The following SAMD3 variants were observed in gnomAD, a reference collection of about 807,000 sequenced individuals.
The protein encoded by SAMD3 is sterile alpha motif domain containing 3, also known as sterile alpha motif domain-containing protein 3.
SAMD3 carries 63 observed loss-of-function variants against 58.5 expected under a neutral mutation model. The ratio of observed to expected loss-of-function variants is 1.08; its 90% CI spans 0.88 to 1.33. SAMD3 has a LOEUF of 1.33. Among genes scored for constraint, SAMD3 ranks in the 40% most tolerant of loss-of-function variants. The pLI, the probability that SAMD3 is intolerant of heterozygous loss-of-function variation, is 0.00. For synonymous variants in SAMD3, 220 were observed against 210.3 expected, an observed-to-expected ratio of 1.05 and a Z score of -0.40; for missense variants, 604 against 608.4, an observed-to-expected ratio of 0.99 and a Z score of 0.08.
At chr6:130,325,550 T>A (rs560242347) in intron 1 of SAMD3, among the ~76,000 whole-genome samples, 1 of 152,114 alleles carries the variant, frequency 6.6e-6, no homozygotes, top group African/African-American at 2.4e-5. Flanking sequence ...TCTGGAAACA[T>A]CCTCACAGAA....
chr6:130,226,692 G>A (rs530025048), upstream of SAMD3, among the ~76,000 whole-genome samples: 31 of 152,212 alleles, frequency 2.0e-4, no homozygotes, highest in South Asian at 4.4e-3. Context: ...GGTGGCAGGC[G>A]CCTGTAATCC....
chr6:130,308,400 A>ATTCTATTCTATTCT (rs1562513116), intron 2 of SAMD3, among the ~76,000 whole-genome samples: 122 of 137,078 alleles, frequency 8.9e-4, no homozygotes, highest in Middle Eastern at 3.8e-3. Flanking sequence ...ATTCTATTCT[A>ATTCTATTCTATTCT]TTCTATTCTA....
intron 2 of SAMD3, among the ~76,000 whole-genome samples, chr6:130,276,976 G>T (rs914354847): frequency 1.3e-5 from 2 of 152,154 alleles, no homozygotes; most frequent in Non-Finnish European, 2.9e-5. Context: ...GAGCCAGTTG[G>T]TCACCAGAAT....
intron 2 of SAMD3, among the ~76,000 whole-genome samples, chr6:130,238,798 G>A (rs766737356): frequency 4.6e-5 from 7 of 152,028 alleles, no homozygotes; most frequent in Non-Finnish European, 7.4e-5. Flanking sequence ...TCACTCTGTC[G>A]CCCAGGCTGG....
At chr6:130,323,006 A>C (rs575409953) in intron 1 of SAMD3, among the ~76,000 whole-genome samples, 29 of 152,336 alleles carry the variant, frequency 1.9e-4, no homozygotes, top group African/African-American at 7.0e-4. Flanking sequence ...AAAGTCAGAC[A>C]AGGACTATCA....
chr6:130,162,397 A>T (rs1790357453), intron 8 of SAMD3: 1 of 598,796 alleles, frequency 1.7e-6, no homozygotes, highest in Non-Finnish European at 3.0e-6. Context: ...ATCTCCCAGA[A>T]ATGAATAAAA....
At chr6:130,331,575 T>C (rs1222166469) in intron 1 of SAMD3, among the ~76,000 whole-genome samples, 1 of 151,722 alleles carries the variant, frequency 6.6e-6, no homozygotes, top group Non-Finnish European at 1.5e-5. Flanking sequence ...ATACAAAAAT[T>C]AGGTGTGGTG....
At chr6:130,265,821 G>C (rs1774326587) in intron 2 of SAMD3, among the ~76,000 whole-genome samples, 1 of 152,156 alleles carries the variant, frequency 6.6e-6, no homozygotes, top group South Asian at 2.1e-4. Context: ...TGCCTGTGCT[G>C]TCATTAATAG....
chr6:130,189,667 A>G (rs1251319128), intron 5 of SAMD3, among the ~76,000 whole-genome samples: 1 of 152,204 alleles, frequency 6.6e-6, no homozygotes, highest in African/African-American at 2.4e-5. Flanking sequence ...CACTAATCCA[A>G]GTATTCGCCA....
rs746454475 is a variant in SAMD3 at position 130,184,159 on chromosome 6, C to T, written c.598G>A (p.Val200Met). 75 of 1,613,842 alleles carry T rather than the reference C, an allele frequency of 4.6e-5. No individual in the cohort carries two copies. Among genetic ancestry groups the T allele is most frequent in the African/African-American group, 6.7e-5 (5 of 75,048 alleles). ...LYPSTQQYND[V>M]VNALLQAHPF... Reference sequence around the variant, plus strand: ...TGGGCCTGCAGCAGGGCATTAACCACGTCATTGTACTGCTGGGTGCTGGGG... The same window carrying T: ...TGGGCCTGCAGCAGGGCATTAACCATGTCATTGTACTGCTGGGTGCTGGGG... The change falls in exon 7 of 12, where the codon GTG becomes ATG. Residue 200 changes from valine (V) to methionine (M), a missense_variant. Val to Met is a conservative substitution (Grantham distance 21). Coordinates refer to ENST00000439090, the MANE Select transcript of SAMD3 (RefSeq NM_001017373.4).
intron 3 of SAMD3, 110 bp from the exon 4 acceptor site, chr6:130,214,636 CT>C (rs564338055): frequency 1.7e-4 from 112 of 662,344 alleles, no homozygotes; most frequent in Non-Finnish European, 2.3e-4. Context: ...AACTTGTCCC[CT>C]GACATTATAA....
At chr6:130,292,779 C>T (rs947799765) in intron 2 of SAMD3, among the ~76,000 whole-genome samples, 18 of 151,958 alleles carry the variant, frequency 1.2e-4, no homozygotes, top group African/African-American at 4.1e-4. Context: ...TCACCACGCC[C>T]GGCTAATTTT....
At chr6:130,264,032 A>C (rs1774242313) in intron 2 of SAMD3, among the ~76,000 whole-genome samples, 1 of 152,232 alleles carries the variant, frequency 6.6e-6, no homozygotes, top group African/African-American at 2.4e-5. Context: ...ACAGGATACC[A>C]AGATGCAAAT....
chr6:130,214,611 T>TA (rs1336993802), intron 3 of SAMD3, 85 bp from the exon 4 acceptor site: 9 of 914,784 alleles, frequency 9.8e-6, no homozygotes, highest in Non-Finnish European at 1.4e-5. Flanking sequence ...CCTCTAGTGA[T>TA]AAAAGGATCA....
chr6:130,193,366 A>G (rs1793741700), intron 5 of SAMD3, among the ~76,000 whole-genome samples: 1 of 151,352 alleles, frequency 6.6e-6, no homozygotes, highest in Non-Finnish European at 1.5e-5. Flanking sequence ...CTGTGCCCTG[A>G]CCTCTTACAT....
At chr6:130,221,011 G>A (rs754792185) in intron 1 of SAMD3, among the ~76,000 whole-genome samples, 22 of 152,032 alleles carry the variant, frequency 1.4e-4, no homozygotes, top group Non-Finnish European at 2.6e-4. Context: ...CCACCACCAC[G>A]CCCAGCTAAT....
intron 2 of SAMD3, among the ~76,000 whole-genome samples, chr6:130,308,390 A>ATTCT (rs1554273458): frequency 2.9e-4 from 42 of 144,408 alleles, no homozygotes; most frequent in Admixed American, 4.9e-4. Context: ...ATTCTATTCT[A>ATTCT]TTCTATTCTA....
chr6:130,266,401 CA>C (rs1175729324), intron 2 of SAMD3, among the ~76,000 whole-genome samples: 2 of 151,580 alleles, frequency 1.3e-5, no homozygotes, highest in African/African-American at 4.9e-5. Context: ...ATTCCCGGCT[CA>C]AAAAAAATCA....
intron 7 of SAMD3, 42 bp downstream of exon 7, chr6:130,184,061 G>A (rs1792673029): frequency 2.0e-6 from 3 of 1,492,510 alleles, no homozygotes; most frequent in African/African-American, 2.8e-5. Context: ...ATTATTTTAA[G>A]ATAGTCTGAA....
Sources: gnomAD v4.1 joint callset for allele counts (sites outside exome capture counted in the v4.1 genomes callset) on GRCh38, gnomAD v4.1.1 for gene constraint, MANE v1.5 for transcripts, NCBI Gene and HGNC (gene_info 2026-07-23, HGNC 2026-07-21) for gene names.